Variants in NKAIN3 observed in about 807,000 individuals in gnomAD.
NKAIN3 encodes the protein sodium/potassium transporting ATPase interacting 3, also known as sodium/potassium-transporting ATPase subunit beta-1-interacting protein 3.
A neutral mutation model predicts 30.2 loss-of-function variants in NKAIN3; 25 were observed. The ratio of observed to expected loss-of-function variants is 0.83; its 90% CI spans 0.60 to 1.16. NKAIN3 has a LOEUF of 1.16. Among genes scored for constraint, NKAIN3 ranks in the 50% most tolerant of loss-of-function variants. The probability of loss-of-function intolerance (pLI) is 0.00; values close to 1 mark genes in which losing one functional copy is unlikely to be tolerated. For missense variants in NKAIN3, 225 were observed against 254.1 expected, an observed-to-expected ratio of 0.89 and a Z score of 0.78; for synonymous variants, 91 against 89.6, an observed-to-expected ratio of 1.02 and a Z score of -0.09.
chr8:62,259,015 G>A (rs1048738321), intron 1 of NKAIN3, among the ~76,000 whole-genome samples: 1 of 152,162 alleles, frequency 6.6e-6, no homozygotes, highest in African/African-American at 2.4e-5. Flanking sequence ...TTCAGCACTT[G>A]CTCTGCTTGC....
chr8:62,990,745 A>T (rs757702149), intron 5 of NKAIN3: 1 of 152,224 alleles, frequency 6.6e-6, no homozygotes, highest in Non-Finnish European at 1.5e-5. Context: ...AACAGACACA[A>T]TCGATCCATT....
At chr8:62,557,089 T>A (rs1360774054) in intron 1 of NKAIN3, among the ~76,000 whole-genome samples, 1 of 152,042 alleles carries the variant, frequency 6.6e-6, no homozygotes, top group Non-Finnish European at 1.5e-5. Context: ...TTCCCTAAAG[T>A]CCACTGTGTC....
chr8:62,359,962 AG>A (rs1214440250), intron 1 of NKAIN3, among the ~76,000 whole-genome samples: 1 of 152,190 alleles, frequency 6.6e-6, no homozygotes, highest in Non-Finnish European at 1.5e-5. Flanking sequence ...CCTGGTGTTA[AG>A]CTCATCAGCG....
At chr8:62,570,140 A>G (rs969238659) in intron 1 of NKAIN3, among the ~76,000 whole-genome samples, 4 of 152,106 alleles carry the variant, frequency 2.6e-5, no homozygotes, top group Non-Finnish European at 5.9e-5. Flanking sequence ...CTTATTGTGA[A>G]GTTGAATCTC....
chr8:62,768,323 C>A (rs1816907876), intron 4 of NKAIN3, among the ~76,000 whole-genome samples: 1 of 152,162 alleles, frequency 6.6e-6, no homozygotes, highest in African/African-American at 2.4e-5. Context: ...AACAGGACAT[C>A]ACAGACATTT....
At chr8:62,299,366 A>G (rs143633727) in intron 1 of NKAIN3, among the ~76,000 whole-genome samples, 90 of 152,114 alleles carry the variant, frequency 5.9e-4, no homozygotes, top group African/African-American at 2.0e-3. Context: ...ACAGTAATGG[A>G]AGCCACAGTG....
chr8:62,328,672 T>A (rs1046759985), intron 1 of NKAIN3, among the ~76,000 whole-genome samples: 1 of 152,124 alleles, frequency 6.6e-6, no homozygotes, highest in African/African-American at 2.4e-5. Context: ...TTAAAAAAGA[T>A]ATTTTACCTC....
intron 3 of NKAIN3, among the ~76,000 whole-genome samples, chr8:62,654,385 A>G (rs1184735193): frequency 6.6e-6 from 1 of 152,148 alleles, no homozygotes; most frequent in African/African-American, 2.4e-5. Context: ...AAAATAATTC[A>G]AGAAACTCTC....
chr8:62,504,471 C>T (rs556818931), intron 1 of NKAIN3, among the ~76,000 whole-genome samples: 3 of 152,200 alleles, frequency 2.0e-5, no homozygotes, highest in East Asian at 3.9e-4. Context: ...TTTCCTCTTC[C>T]TTCTATCCCA....
At chr8:62,492,098 A>G (rs1014692024) in intron 1 of NKAIN3, among the ~76,000 whole-genome samples, 2 of 152,134 alleles carry the variant, frequency 1.3e-5, no homozygotes, top group Non-Finnish European at 2.9e-5. Flanking sequence ...GACAAAAATG[A>G]CAGGTGAAGT....
At chr8:62,258,033 T>G (rs1449879421) in intron 1 of NKAIN3, among the ~76,000 whole-genome samples, 2 of 152,136 alleles carry the variant, frequency 1.3e-5, no homozygotes, top group African/African-American at 2.4e-5. Flanking sequence ...TTATTTTATT[T>G]TATTTTATTT....
chr8:62,899,833 A>G (rs1400675602), intron 4 of NKAIN3, among the ~76,000 whole-genome samples: 1 of 152,190 alleles, frequency 6.6e-6, no homozygotes, highest in Non-Finnish European at 1.5e-5. Context: ...CCATGCCTGT[A>G]TCAAAACATC....
chr8:62,827,648 G>A lies in NKAIN3; in HGVS notation c.471+80519G>A, dbSNP rs1819067821. On this transcript the variant is annotated intron_variant, in intron 4 of 6. Transcript: ENST00000623646. ...CCTCAATTCTCTATCACATGAATAT[G>A]GTAGACCAGATAGAAGTCTACAAAC... is the stretch of plus-strand genomic sequence containing the variant. Among the ~76,000 whole-genome samples, 3 of 151,970 alleles carry A rather than the reference G, an allele frequency of 2.0e-5. No individual in the cohort carries two copies. The South Asian group carries it at 6.2e-4, about 32-fold the overall frequency.
chr8:62,918,396 T>C, intron 4 of NKAIN3, 57 bp from the exon 5 acceptor site: 3 of 1,270,776 alleles, frequency 2.4e-6, no homozygotes, highest in South Asian at 2.4e-5. Context: ...ATATTGGCTC[T>C]TTAAGTATGG....
intron 6 of NKAIN3, among the ~76,000 whole-genome samples, chr8:62,962,101 A>T (rs1230193720): frequency 6.6e-6 from 1 of 152,190 alleles, no homozygotes; most frequent in African/African-American, 2.4e-5. Flanking sequence ...CATGTTTACT[A>T]CATAGAAAAT....
intron 5 of NKAIN3, among the ~76,000 whole-genome samples, chr8:62,949,472 G>A (rs1823218794): frequency 6.6e-6 from 1 of 152,162 alleles, no homozygotes; most frequent in African/African-American, 2.4e-5. Flanking sequence ...AATTGGTGGT[G>A]GCTAGAGCGA....
At chr8:62,416,977 C>T (rs113563238) in intron 1 of NKAIN3, among the ~76,000 whole-genome samples, 4,044 of 151,266 alleles carry the variant, frequency 0.027, 91 homozygotes, top group Middle Eastern at 0.058. Flanking sequence ...GGTGACAGAG[C>T]GAAACTCCAT....
intron 4 of NKAIN3, among the ~76,000 whole-genome samples, chr8:62,814,633 T>G (rs1338394056): frequency 1.3e-5 from 2 of 151,788 alleles, no homozygotes; most frequent in African/African-American, 4.8e-5. Context: ...GAATGACTAC[T>G]GGGTACATAA....
At position 62,248,913 on chromosome 8, in the gene NKAIN3, C is replaced by A; in HGVS notation, c.-161C>A. On this transcript the variant is annotated 5_prime_UTR_variant, in exon 1 of 7. Transcript: ENST00000623646. ...TCGGCCCGCCCCGCCGGGAAACTAA[C>A]AAAGGCGGGCGCGAGCCCCGAGCCC... 3.3e-6 allele frequency: 2 copies of A among 600,230 alleles called. No homozygotes were observed. Among genetic ancestry groups the A allele is most frequent in the Non-Finnish European group, 5.5e-6 (2 of 363,438 alleles). The allele number at this position is 600,230 out of a possible 1,614,324, so 37.2% of individuals were successfully genotyped here.
Sources: allele counts gnomAD v4.1 joint callset (sites outside exome capture counted in the v4.1 genomes callset), GRCh38; gene constraint gnomAD v4.1.1; transcripts MANE v1.5; gene names NCBI Gene and HGNC (gene_info 2026-07-23, HGNC 2026-07-21).